Variants in EGF observed in about 807,000 individuals in gnomAD.
The protein encoded by EGF is epidermal growth factor, also known as pro-epidermal growth factor.
A neutral mutation model predicts 143.8 loss-of-function variants in EGF; 95 were observed. That is an observed-to-expected ratio of 0.66 (90% confidence interval 0.56 to 0.78). EGF has a LOEUF of 0.78. Among genes scored for constraint, EGF ranks in the 30% least tolerant of loss-of-function variants. The pLI, the probability that EGF is intolerant of heterozygous loss-of-function variation, is 0.00. For missense variants in EGF, 1,320 were observed against 1,470.9 expected (o/e 0.90, Z 1.68); for synonymous variants, 510 against 510.5 (o/e 1.00, Z 0.01).
chr4:109,962,057 G>A (rs1745792971), intron 8 of EGF, 72 bp downstream of exon 8: 1 of 1,600,890 alleles, frequency 6.2e-7, no homozygotes, highest in Non-Finnish European at 8.5e-7. Flanking sequence ...TCTAAAAATT[G>A]ATCTTGTTGT....
chr4:109,949,899 T>C (rs929348393), intron 5 of EGF, among the ~76,000 whole-genome samples: 2 of 152,210 alleles, frequency 1.3e-5, no homozygotes, highest in Non-Finnish European at 2.9e-5. Flanking sequence ...TGTCTGGTTC[T>C]GGAGGAGCTT....
intron 5 of EGF, among the ~76,000 whole-genome samples, chr4:109,945,621 A>G (rs540302268): frequency 2.5e-4 from 38 of 152,282 alleles, no homozygotes; most frequent in African/African-American, 8.9e-4. Context: ...ATGGATTAAC[A>G]TGTACATTTT....
chr4:109,957,986 CA>C (rs1236452646), intron 5 of EGF, among the ~76,000 whole-genome samples: 1 of 152,108 alleles, frequency 6.6e-6, no homozygotes, highest in Non-Finnish European at 1.5e-5. Context: ...AAATAAGGTG[CA>C]AAAGAGACAA....
In EGF at chr4:109,960,971, G is replaced by A; in HGVS notation, c.1171G>A (p.Asp391Asn). ...CCCTGTAGGATTTGTTCTGCTTCCTGATGGGAAACGATGTCATCGTAAGTT... is the reference window on the plus strand; with the variant it reads ...CCCTGTAGGATTTGTTCTGCTTCCTAATGGGAAACGATGTCATCGTAAGTT... ...TCPVGFVLLP[D>N]GKRCHQLVSC... Residue 391 changes from aspartate (D) to asparagine (N), a missense_variant, in exon 7 of 24, where the codon GAT (aspartate) becomes AAT (asparagine). This residue lies in a region of EGF where 1,186 missense variants were observed against 1,313.7 expected (regional missense o/e 0.90). Coordinates refer to ENST00000265171, the MANE Select transcript of EGF (RefSeq NM_001963.6). 1 of 1,613,892 alleles carries A rather than the reference G, an allele frequency of 6.2e-7. No homozygotes were observed.
chr4:109,958,278 A>T (rs775224964), intron 5 of EGF, among the ~76,000 whole-genome samples: 1 of 151,952 alleles, frequency 6.6e-6, no homozygotes, highest in Non-Finnish European at 1.5e-5. Context: ...GCTTTGTGGA[A>T]TTTTTTTTCC....
intron 16 of EGF, among the ~76,000 whole-genome samples, chr4:109,983,939 A>T (rs564333242): frequency 1.3e-5 from 2 of 152,266 alleles, no homozygotes; most frequent in Non-Finnish European, 2.9e-5. Context: ...TAGGTTGAGC[A>T]CTTCAATTGC....
intron 22 of EGF, 22 bp from the exon 23 acceptor site, chr4:110,008,129 TC>T: frequency 6.2e-7 from 1 of 1,600,728 alleles, no homozygotes; most frequent in Non-Finnish European, 8.6e-7. Context: ...ATATCCTCTC[TC>T]CCTCCTTTTT....
chr4:109,973,588 C>T (rs1162531096), intron 11 of EGF, among the ~76,000 whole-genome samples: 1 of 151,814 alleles, frequency 6.6e-6, no homozygotes, highest in Non-Finnish European at 1.5e-5. Context: ...CCCTCTTTCC[C>T]CTCTTACTTC....
chr4:109,970,418 T>C (rs1231242484), intron 11 of EGF, among the ~76,000 whole-genome samples: 2 of 152,068 alleles, frequency 1.3e-5, no homozygotes, highest in Non-Finnish European at 2.9e-5. Context: ...GAAGGGAGAA[T>C]GAGGGTTTAA....
At chr4:109,962,010 T>C in intron 8 of EGF, 25 bp downstream of exon 8, 1 of 1,612,468 alleles carries the variant, frequency 6.2e-7, no homozygotes, top group Non-Finnish European at 8.5e-7. Context: ...TTTATTTACC[T>C]TTTGTTTGTT....
chr4:109,943,952 T>C lies in EGF; in HGVS notation c.620T>C (p.Leu207Ser), dbSNP rs1742367307. 6.8e-6 allele frequency: 11 copies of C among 1,614,126 alleles called. No homozygotes were observed. Among genetic ancestry groups the C allele is most frequent in the Non-Finnish European group, 9.3e-6 (11 of 1,180,004 alleles). Residue 207 changes from leucine (L) to serine (S), a missense_variant, in exon 4 of 24, where the codon TTG becomes TCG. This residue lies in a region of EGF where 1,186 missense variants were observed against 1,313.7 expected (regional missense o/e 0.90). Transcript: ENST00000265171. ...TCAGAGAAAATAACAGCTGTGTCAT[T>C]GGATGTGCTTGATAAGCGGCTGTTT... ...ETSEKITAVS[L>S]DVLDKRLFWI...
At chr4:109,935,819 T>A (rs1423165903) in intron 1 of EGF, among the ~76,000 whole-genome samples, 3 of 152,316 alleles carry the variant, frequency 2.0e-5, no homozygotes, top group Admixed American at 2.0e-4. Context: ...GTTTTTGTCG[T>A]TGGTTCTGTT....
intron 12 of EGF, 102 bp from the exon 13 acceptor site, chr4:109,975,910 T>C: frequency 7.8e-7 from 1 of 1,275,688 alleles, no homozygotes; most frequent in South Asian, 1.2e-5. Flanking sequence ...TGTACCACTT[T>C]AGTATATCAT....
At chr4:109,945,713 A>G (rs971841047) in intron 5 of EGF, among the ~76,000 whole-genome samples, 1 of 152,256 alleles carries the variant, frequency 6.6e-6, no homozygotes, top group Non-Finnish European at 1.5e-5. Flanking sequence ...TATCTTTAAT[A>G]AAGAACAGTA....
chr4:109,916,649 A>C (rs1486753158), intron 1 of EGF, among the ~76,000 whole-genome samples: 1 of 152,058 alleles, frequency 6.6e-6, no homozygotes, highest in East Asian at 1.9e-4. Flanking sequence ...GATTCTAACC[A>C]ACAGCCTGGG....
chr4:109,976,106 A>G lies in EGF; in HGVS notation c.1924A>G (p.Ile642Val). 1.2e-6 allele frequency: 2 copies of G among 1,614,132 alleles called. No individual in the cohort carries two copies. Residue 642 changes from isoleucine to valine, a missense_variant, in exon 13 of 24, where the codon ATC becomes GTC. By Grantham distance (29) the Ile-to-Val change is conservative. Transcript: ENST00000265171. ...GRLVIASSDLIWPSGITIDFL... is the reference protein window; with the variant it reads ...GRLVIASSDLVWPSGITIDFL... ...TCTGGTTATAGCCAGCTCTGATCTA[A>G]TCTGGCCCAGTGGAATAACGATTGA...
At position 109,937,479 on chromosome 4, in the gene EGF, G is replaced by C. The variant is rs143643564; in HGVS notation, c.128-3467G>C. On this transcript the variant is annotated intron_variant, in intron 1 of 23. Transcript: ENST00000265171. ...CTGAAACCAGCACACTGATGGTCTT[G>C]ACTCTTTATCCAATTTGCCAGTCTG... 1.5e-3 allele frequency among the ~76,000 whole-genome samples: 227 copies of C among 151,780 alleles called. 1 individual carries two copies. The highest frequency in any genetic ancestry group is 6.8e-3 in the Middle Eastern group (2 of 292).
At position 110,011,750 on chromosome 4, in the gene EGF, T is replaced by C. The variant is rs1422662392; in HGVS notation, c.*295T>C. 4.7e-6 allele frequency: 2 copies of C among 425,450 alleles called. No individual in the cohort carries two copies. The highest frequency in any genetic ancestry group is 2.5e-5 in the South Asian group (1 of 40,374). 26.4% of individuals were successfully genotyped at this position (425,450 alleles called of 1,614,324 possible). On this transcript the variant is annotated 3_prime_UTR_variant, in exon 24 of 24. Transcript: ENST00000265171. Reference sequence around the variant, plus strand: ...TGTTGTCTTCAGCAGTCAATACAAATAGATTTTTGTTTTTGTTGTTCCTGC... The same window carrying C: ...TGTTGTCTTCAGCAGTCAATACAAACAGATTTTTGTTTTTGTTGTTCCTGC...
chr4:110,004,286 GGAAA>G lies in EGF; in HGVS notation c.3174-216_3174-213del, dbSNP rs1283140029. 77 of 588,866 alleles carry G rather than the reference GGAAA, an allele frequency of 1.3e-4. No homozygotes were observed. In the East Asian group the frequency reaches 2.4e-3, roughly 19 times the overall value. 36.5% of individuals were successfully genotyped at this position (588,866 alleles called of 1,614,324 possible). Reference sequence around the variant, plus strand: ...CACACCCTCTACCTCACAGAACCTTGGAAAGAGTGAAACACTGTCTGGAAAGCAT... The same window carrying G: ...CACACCCTCTACCTCACAGAACCTTGGAGTGAAACACTGTCTGGAAAGCAT... On this transcript the variant is annotated intron_variant, in intron 21 of 23. Transcript: ENST00000265171.
Sources: gnomAD v4.1 joint callset for allele counts (sites outside exome capture counted in the v4.1 genomes callset) on GRCh38, gnomAD v4.1.1 for gene constraint, gnomAD v4.1.1 regional missense constraint, MANE v1.5 for transcripts, NCBI Gene and HGNC (gene_info 2026-07-23, HGNC 2026-07-21) for gene names.